SWAP70: variants seen among roughly 807,000 people sequenced by gnomAD.
SWAP70 encodes switching B cell complex subunit SWAP70.
Under a neutral mutation model 80.2 loss-of-function variants are expected in SWAP70, and 34 were observed. That is an observed-to-expected ratio of 0.42 (90% CI 0.32 to 0.56). SWAP70 has a LOEUF of 0.56. SWAP70 is among the 20% of genes least tolerant of loss of function. The pLI is 0.09. For missense variants in SWAP70, 578 were observed against 690.7 expected (o/e 0.84, Z 1.83); for synonymous variants, 239 against 238.5 (o/e 1.00, Z -0.02).
At chr11:9,668,484 C>T (rs1369243094) in intron 1 of SWAP70, among the ~76,000 whole-genome samples, 12 of 152,172 alleles carry the variant, frequency 7.9e-5, no homozygotes, top group Non-Finnish European at 1.6e-4. Context: ...AATATTTAAA[C>T]ATTTTTATTT....
intron 3 of SWAP70, among the ~76,000 whole-genome samples, chr11:9,716,514 G>A (rs1044380778): frequency 2.6e-5 from 4 of 152,158 alleles, no homozygotes; most frequent in Non-Finnish European, 1.5e-5. Context: ...CTCTGTTTGG[G>A]GTTCCCCATC....
intron 2 of SWAP70, among the ~76,000 whole-genome samples, chr11:9,710,806 A>G (rs2252354): frequency 0.33 from 49,379 of 151,188 alleles, 8,310 homozygotes; most frequent in Non-Finnish European, 0.35. Flanking sequence ...GACCTTCCTG[A>G]GTAGCTGGGA....
intron 3 of SWAP70, among the ~76,000 whole-genome samples, chr11:9,721,393 A>G (rs574087890): frequency 6.6e-6 from 1 of 152,184 alleles, no homozygotes; most frequent in Admixed American, 6.5e-5. Context: ...GGTATAAGAT[A>G]AATCTTTGTC....
intron 2 of SWAP70, among the ~76,000 whole-genome samples, chr11:9,694,814 G>T (rs1191059891): frequency 1.2e-4 from 19 of 152,292 alleles, no homozygotes; most frequent in African/African-American, 4.3e-4. Flanking sequence ...AACAATAGAT[G>T]CTGGCGAGGC....
intron 1 of SWAP70, among the ~76,000 whole-genome samples, chr11:9,670,477 G>T (rs1255728062): frequency 2.0e-5 from 3 of 152,008 alleles, no homozygotes; most frequent in Non-Finnish European, 2.9e-5. Flanking sequence ...TGAGGTCCTT[G>T]ATGGGTGTAT....
intron 9 of SWAP70, among the ~76,000 whole-genome samples, chr11:9,742,841 C>G (rs1188729726): frequency 2.0e-5 from 3 of 150,002 alleles, no homozygotes; most frequent in African/African-American, 4.9e-5. Context: ...AATCTTACGC[C>G]AAGGGCCTGT....
At chr11:9,749,832 C>G (rs1221978179) in intron 11 of SWAP70, 32 bp from the exon 12 acceptor site, 1 of 1,370,230 alleles carries the variant, frequency 7.3e-7, no homozygotes, top group Non-Finnish European at 1.0e-6. Context: ...GAATATAATA[C>G]TTCCTGTATT....
intron 1 of SWAP70, among the ~76,000 whole-genome samples, chr11:9,689,729 TC>T (rs907054189): frequency 1.9e-4 from 29 of 152,146 alleles, no homozygotes; most frequent in Admixed American, 6.5e-4. Context: ...TAGTGCAGAT[TC>T]CCCCAGAGGG....
chr11:9,686,052 A>C (rs1850627883), intron 1 of SWAP70, among the ~76,000 whole-genome samples: 2 of 151,904 alleles, frequency 1.3e-5, no homozygotes, highest in African/African-American at 2.4e-5. Flanking sequence ...TTTTCTATTT[A>C]AAATATATAA....
intron 2 of SWAP70, among the ~76,000 whole-genome samples, 195 bp from the exon 3 acceptor site, chr11:9,713,271 G>A (rs1468379193): frequency 6.6e-6 from 1 of 152,222 alleles, no homozygotes; most frequent in African/African-American, 2.4e-5. Flanking sequence ...TGTTGGTTCA[G>A]TGTCATGCTA....
At chr11:9,716,632 A>G (rs946254350) in intron 3 of SWAP70, among the ~76,000 whole-genome samples, 3 of 152,216 alleles carry the variant, frequency 2.0e-5, no homozygotes, top group Non-Finnish European at 2.9e-5. Context: ...GCTGCTCACT[A>G]AAAGGGGTGT....
chr11:9,732,430 C>T (rs1256954231), intron 6 of SWAP70, 99 bp from the exon 7 acceptor site: 43 of 1,216,912 alleles, frequency 3.5e-5, no homozygotes, highest in Non-Finnish European at 4.9e-5. Flanking sequence ...CCTTCTGGCT[C>T]CCTGTCTCAT....
chr11:9,704,945 T>G (rs1850881282), intron 2 of SWAP70, among the ~76,000 whole-genome samples: 1 of 152,228 alleles, frequency 6.6e-6, no homozygotes, highest in Admixed American at 6.5e-5. Context: ...ATGCAGACAT[T>G]GCTACACTTC....
chr11:9,725,588 T>TCC (rs1162308321), intron 4 of SWAP70, among the ~76,000 whole-genome samples: 71 of 116,290 alleles, frequency 6.1e-4, no homozygotes, highest in Non-Finnish European at 1.0e-3. Flanking sequence ...TTTTTTTTTT[T>TCC]CCAAGACGGA....
chr11:9,672,459 G>T (rs1850430979), intron 1 of SWAP70, among the ~76,000 whole-genome samples: 1 of 150,620 alleles, frequency 6.6e-6, no homozygotes, highest in African/African-American at 2.4e-5. Flanking sequence ...TGACCTCCAT[G>T]CTGAAGTGAT....
intron 3 of SWAP70, among the ~76,000 whole-genome samples, chr11:9,723,172 C>T (rs141073984): frequency 3.5e-4 from 54 of 152,198 alleles, no homozygotes; most frequent in African/African-American, 1.2e-3. Context: ...TAAAAGGTGG[C>T]GACCTGGAGG....
rs988991806 is a variant in SWAP70, at chr11:9,707,352, A to G, written c.241-6114A>G. Among the ~76,000 whole-genome samples the G allele has an allele frequency of 4.0e-5, 6 of 151,652 alleles. No homozygotes were observed. The South Asian group carries it at 8.3e-4, about 21-fold the overall frequency. The stretch of plus-strand genomic sequence containing the variant: ...TGGCCCTGGCAATCACCATTCTACT[A>G]TTTTTTTAAAGTGTGTTTGATTACT... On this transcript the variant is annotated intron_variant, in intron 2 of 11. Coordinates refer to ENST00000318950, the MANE Select transcript of SWAP70 (RefSeq NM_015055.4).
rs530619499 is a variant in SWAP70, at chr11:9,672,195, C to CTATG, written c.99+7920_99+7921insGTAT. On this transcript the variant is annotated intron_variant, in intron 1 of 11. Transcript: ENST00000318950. ...TATATATATACATATATGTGTGTGT[C>CTATG]TATATATATATATATATATATATAT... Among the ~76,000 whole-genome samples, 70 of 78,414 alleles carry CTATG rather than the reference C, an allele frequency of 8.9e-4. 2 individuals carry two copies. The highest frequency in any genetic ancestry group is 3.6e-3 in the Admixed American group (17 of 4,736). The allele number at this position is 78,414 out of a possible 152,430, so 51.4% of individuals were successfully genotyped here. A position where few individuals can be genotyped will look rare whatever the true frequency, so the allele number is the denominator to read the frequency against.
chr11:9,707,291 A>G (rs1000266487), intron 2 of SWAP70, among the ~76,000 whole-genome samples: 3 of 152,158 alleles, frequency 2.0e-5, no homozygotes, highest in Admixed American at 1.3e-4. Flanking sequence ...CTGAAACTCT[A>G]CACCTTTTGA....
Sources: allele counts gnomAD v4.1 joint callset (sites outside exome capture counted in the v4.1 genomes callset), GRCh38; gene constraint gnomAD v4.1.1; transcripts MANE v1.5; gene names NCBI Gene and HGNC (gene_info 2026-07-23, HGNC 2026-07-21).